Variants in HIF1A observed in about 807,000 individuals in gnomAD.
HIF1A encodes the protein hypoxia inducible factor 1 subunit alpha.
In HIF1A, 24 loss-of-function variants were observed where a neutral mutation model predicts 92.7. The observed-to-expected ratio is 0.26, with a 90% CI of 0.19 to 0.36. HIF1A has a LOEUF of 0.36. Among genes scored for constraint, HIF1A ranks in the 10% least tolerant of loss-of-function variants. The pLI, the probability that HIF1A is intolerant of heterozygous loss-of-function variation, is 1.00. For synonymous variants in HIF1A, 319 were observed against 338.7 expected, an observed-to-expected ratio of 0.94 and a Z score of 0.64; for missense variants, 799 against 998.5, an observed-to-expected ratio of 0.80 and a Z score of 2.69.
intron 6 of HIF1A, among the ~76,000 whole-genome samples, chr14:61,731,807 T>C (rs1208080957): frequency 1.3e-5 from 2 of 152,258 alleles, no homozygotes; most frequent in Non-Finnish European, 2.9e-5. Context: ...CCCTGCCTTG[T>C]TACCAAAAGT....
chr14:61,728,507 A>T (rs1281703572), intron 6 of HIF1A, among the ~76,000 whole-genome samples: 1 of 152,240 alleles, frequency 6.6e-6, no homozygotes, highest in Non-Finnish European at 1.5e-5. Flanking sequence ...CAACATCATC[A>T]TCAAAAACTG....
At chr14:61,724,380 T>TCTCTCTCTCTCTCTCTCTCTCTCC (rs771152491) in intron 4 of HIF1A, among the ~76,000 whole-genome samples, 7 of 139,612 alleles carry the variant, frequency 5.0e-5, no homozygotes, top group Non-Finnish European at 7.7e-5. Flanking sequence ...TCTCTCTCTC[T>TCTCTCTCTCTCTCTCTCTCTCTCC]CCCCCTCCCT....
intron 12 of HIF1A, among the ~76,000 whole-genome samples, chr14:61,744,116 A>C (rs2044746780): frequency 6.6e-6 from 1 of 152,224 alleles, no homozygotes; most frequent in Non-Finnish European, 1.5e-5. Context: ...GCATTGTTAT[A>C]TTAGGTGGAA....
intron 1 of HIF1A, among the ~76,000 whole-genome samples, chr14:61,712,827 G>A (rs987113602): frequency 6.6e-5 from 10 of 151,274 alleles, no homozygotes; most frequent in African/African-American, 2.4e-4. Flanking sequence ...CATCACTACT[G>A]AGAAGACAAA....
intron 7 of HIF1A, 143 bp from the exon 8 acceptor site, chr14:61,733,995 A>G: frequency 1.9e-6 from 1 of 532,002 alleles, no homozygotes; most frequent in Admixed American, 4.1e-5. Context: ...ACGCACTGTC[A>G]GAATGTAAGC....
intron 6 of HIF1A, among the ~76,000 whole-genome samples, chr14:61,730,082 A>G (rs2044557091): frequency 6.6e-6 from 1 of 152,192 alleles, no homozygotes; most frequent in African/African-American, 2.4e-5. Flanking sequence ...TTGAGCATCT[A>G]CTATGTTCAT....
At chr14:61,742,937 G>A (rs1475422271) in intron 12 of HIF1A, among the ~76,000 whole-genome samples, 3 of 136,020 alleles carry the variant, frequency 2.2e-5, no homozygotes, top group African/African-American at 8.0e-5. Flanking sequence ...CATGAATACA[G>A]TAGTAAAAAT....
intron 1 of HIF1A, among the ~76,000 whole-genome samples, chr14:61,702,273 C>CAA (rs34312928): frequency 0.024 from 2,471 of 101,936 alleles, 45 homozygotes; most frequent in Admixed American, 0.027. Context: ...ACTAAAAATA[C>CAA]AAAAAAAAAA....
chr14:61,738,072 AT>A lies in HIF1A; in HGVS notation c.1250-9del, dbSNP rs1178917799. 2.6e-6 allele frequency: 4 copies of A among 1,562,772 alleles called. 1 individual carries two copies. The South Asian group carries it at 3.6e-5, about 14-fold the overall frequency. On this transcript the variant is annotated splice_polypyrimidine_tract_variant and intron_variant, in intron 9 of 14. Coordinates refer to ENST00000337138, the MANE Select transcript of HIF1A (RefSeq NM_001530.4). ...CCTTCTATACTTTAGATTGACTCAT[AT>A]TTTTTCCCCACAGACACAGAAACTG... is the stretch of plus-strand genomic sequence containing the variant.
chr14:61,723,349 C>T (rs1441603329), intron 4 of HIF1A, among the ~76,000 whole-genome samples: 1 of 152,192 alleles, frequency 6.6e-6, no homozygotes, highest in African/African-American at 2.4e-5. Context: ...AACTGAGGTA[C>T]AGAGTTACTA....
chr14:61,716,144 A>T (rs1338104498), intron 1 of HIF1A, among the ~76,000 whole-genome samples: 1 of 152,230 alleles, frequency 6.6e-6, no homozygotes, highest in Non-Finnish European at 1.5e-5. Flanking sequence ...CTATCAGCTC[A>T]GCAGAAATTA....
rs2044806482 is a variant in HIF1A at position 61,747,335 on chromosome 14, C to T, written c.*250C>T. The T allele has an allele frequency of 3.4e-6, 1 of 293,548 alleles. No homozygotes were observed. Among genetic ancestry groups the T allele is most frequent in the East Asian group, 5.6e-5 (1 of 17,844 alleles). The allele number at this position is 293,548 out of a possible 1,614,324, so 18.2% of individuals were successfully genotyped here. A position where few individuals can be genotyped will look rare whatever the true frequency, so the allele number is the denominator to read the frequency against. On this transcript the variant is annotated 3_prime_UTR_variant, in exon 15 of 15. Coordinates refer to ENST00000337138, the MANE Select transcript of HIF1A (RefSeq NM_001530.4). ...TTAAACCATTGCATTGCAGTAGCAT[C>T]ATTTTAAAAAATGCACCTTTTTATT... is the stretch of plus-strand genomic sequence containing the variant.
At chr14:61,701,349 C>G (rs911309363) in intron 1 of HIF1A, among the ~76,000 whole-genome samples, 1 of 152,012 alleles carries the variant, frequency 6.6e-6, no homozygotes, top group African/African-American at 2.4e-5. Flanking sequence ...GTATGTAGTT[C>G]TTCACTTGTT....
At chr14:61,706,425 C>A (rs969897311) in intron 1 of HIF1A, among the ~76,000 whole-genome samples, 44 of 152,154 alleles carry the variant, frequency 2.9e-4, no homozygotes, top group Admixed American at 9.2e-4. Flanking sequence ...CTTGTTCTTG[C>A]TGGCTTATTG....
chr14:61,711,207 C>CTTTTTTTTTTTT (rs10615564), intron 1 of HIF1A, among the ~76,000 whole-genome samples: 2 of 86,124 alleles, frequency 2.3e-5, no homozygotes, highest in African/African-American at 8.6e-5. Flanking sequence ...TTAAGTATTC[C>CTTTTTTTTTTTT]TTTTTTTTTT....
chr14:61,717,299 C>T (rs188960164), intron 1 of HIF1A, among the ~76,000 whole-genome samples: 107 of 152,278 alleles, frequency 7.0e-4, no homozygotes, highest in Non-Finnish European at 1.3e-3. Flanking sequence ...ACAAGAACTT[C>T]AGAAGCTTTA....
At chr14:61,735,966 T>G (rs2044631594) in intron 8 of HIF1A, among the ~76,000 whole-genome samples, 1 of 151,028 alleles carries the variant, frequency 6.6e-6, no homozygotes, top group African/African-American at 2.4e-5. Context: ...ACTACTCTTC[T>G]CAAAGGATAT....
chr14:61,703,342 ATTC>A (rs1266625742), intron 1 of HIF1A, among the ~76,000 whole-genome samples: 4 of 152,188 alleles, frequency 2.6e-5, no homozygotes, highest in Non-Finnish European at 5.9e-5. Context: ...GTATATTAGG[ATTC>A]TTCTTATTGC....
chr14:61,744,860 CGTGTGTGT>C (rs60361955), intron 13 of HIF1A, 47 bp downstream of exon 13: 6,905 of 523,382 alleles, frequency 0.013, 78 homozygotes, highest in African/African-American at 0.057. Flanking sequence ...TGTGCTATTT[CGTGTGTGT>C]GTGTGTGTGT....
Sources: gnomAD v4.1 joint callset for allele counts (sites outside exome capture counted in the v4.1 genomes callset) on GRCh38, gnomAD v4.1.1 for gene constraint, MANE v1.5 for transcripts, NCBI Gene and HGNC (gene_info 2026-07-23, HGNC 2026-07-21) for gene names.